The following SPARC variants were observed in gnomAD, a reference collection of about 807,000 sequenced individuals.
The protein encoded by SPARC is secreted protein acidic and cysteine rich, also known as basement-membrane protein 40.
A neutral mutation model predicts 37.7 loss-of-function variants in SPARC; 23 were observed. The observed-to-expected ratio is 0.61, with a 90% CI of 0.44 to 0.87. SPARC has a LOEUF of 0.87. Ranked by LOEUF, SPARC falls within the 40% of genes least tolerant of loss-of-function variation. The pLI is 0.00. For missense variants in SPARC, 312 were observed against 389.0 expected, an observed-to-expected ratio of 0.80 and a Z score of 1.66; for synonymous variants, 155 against 150.8, an observed-to-expected ratio of 1.03 and a Z score of -0.20.
At position 151,666,458 on chromosome 5, in the gene SPARC, C is replaced by T. The variant is rs751172543; in HGVS notation, c.637G>A (p.Val213Met). Residue 213 changes from valine (V) to methionine (M), a missense_variant, in exon 8 of 10, where the codon GTG (valine) becomes ATG (methionine). Val to Met is a conservative substitution (Grantham distance 21). Coordinates refer to ENST00000231061, the MANE Select transcript of SPARC (RefSeq NM_003118.4). Reference protein sequence around the residue: ...EKRLEAGDHPVELLARDFEKN... With the variant: ...EKRLEAGDHPMELLARDFEKN... ...TCGAAGTCCCGGGCCAGCAGCTCCA[C>T]GGGGTGGTCTCCTGCCTCCAGGCGC... The T allele has an allele frequency of 3.8e-5, 61 of 1,614,150 alleles. No individual in the cohort carries two copies. The South Asian group carries it at 4.4e-4, about 12-fold the overall frequency.
intron 1 of SPARC, among the ~76,000 whole-genome samples, chr5:151,681,879 G>C (rs142067868): frequency 6.6e-6 from 1 of 152,210 alleles, no homozygotes; most frequent in Non-Finnish European, 1.5e-5. Flanking sequence ...GGCAACAAGA[G>C]TGAAACTCCC....
At position 151,671,651 on chromosome 5, in the gene SPARC, C is replaced by T. The variant is rs751467606; in HGVS notation, c.252G>A (p.Glu84=). The change falls in exon 5 of 10, where the codon GAG becomes GAA. Residue 84 remains glutamate, a synonymous_variant. Coordinates refer to ENST00000231061, the MANE Select transcript of SPARC (RefSeq NM_003118.4). ...NHHCKHGKVC[E]LDENNTPMCV... is the part of the protein sequence containing the mutation. ...ACATGGGGGTGTTGTTCTCATCCAG[C>T]TCGCACACCTTGCCGTGTTTGCAGT... 37 of 1,612,946 alleles carry T rather than the reference C, an allele frequency of 2.3e-5. 2 individuals carry two copies. In the South Asian group the frequency reaches 3.4e-4, roughly 15 times the overall value.
intron 2 of SPARC, among the ~76,000 whole-genome samples, chr5:151,675,827 C>T (rs1170518754): frequency 6.6e-6 from 1 of 152,132 alleles, no homozygotes; most frequent in Non-Finnish European, 1.5e-5. Context: ...CTCCTGCCTG[C>T]TTGAATTCCT....
At chr5:151,669,611 G>T in intron 6 of SPARC, 53 bp downstream of exon 6, 2 of 1,593,810 alleles carry the variant, frequency 1.3e-6, no homozygotes. Flanking sequence ...ATCAGTGCCA[G>T]CTCAGAGCTC....
chr5:151,668,521 A>G (rs376550319), intron 6 of SPARC, among the ~76,000 whole-genome samples: 9 of 152,206 alleles, frequency 5.9e-5, no homozygotes, highest in African/African-American at 2.2e-4. Context: ...CAAGGCCACA[A>G]TGTCAGAGCC....
intron 5 of SPARC, among the ~76,000 whole-genome samples, chr5:151,670,192 G>A (rs978997227): frequency 3.3e-5 from 5 of 152,262 alleles, no homozygotes; most frequent in Admixed American, 6.5e-5. Flanking sequence ...TGGTGTCTGG[G>A]AACTTAGCTG....
chr5:151,680,216 C>CTTTTTT (rs58021431), intron 1 of SPARC, among the ~76,000 whole-genome samples: 3,697 of 61,990 alleles, frequency 0.06, 989 homozygotes, highest in African/African-American at 0.13. Flanking sequence ...TGGAAAACAT[C>CTTTTTT]TTTTTTTTTT....
chr5:151,685,422 T>TCTCACACACACACACACACA (rs1216324359), intron 1 of SPARC, among the ~76,000 whole-genome samples: 1 of 140,432 alleles, frequency 7.1e-6, no homozygotes, highest in African/African-American at 2.7e-5. Flanking sequence ...CCTCTCTCTC[T>TCTCACACACACACACACACA]CACACACACA....
At chr5:151,673,353 T>A in intron 3 of SPARC, 137 bp from the exon 4 acceptor site, 1 of 695,320 alleles carries the variant, frequency 1.4e-6, no homozygotes. Flanking sequence ...GCCTGCTGTG[T>A]TTTGCAGTAT....
At chr5:151,681,610 G>A (rs1760990521) in intron 1 of SPARC, among the ~76,000 whole-genome samples, 1 of 152,182 alleles carries the variant, frequency 6.6e-6, no homozygotes. Context: ...AACAAGAGCA[G>A]GCTGGGCGCA....
chr5:151,664,371 C>T, intron 8 of SPARC, 136 bp from the exon 9 acceptor site: 1 of 761,492 alleles, frequency 1.3e-6, no homozygotes, highest in Non-Finnish European at 2.2e-6. Context: ...GCCAGAATCC[C>T]AGGTCTACCC....
At chr5:151,671,758 C>A in intron 4 of SPARC, 64 bp from the exon 5 acceptor site, 1 of 1,598,398 alleles carries the variant, frequency 6.3e-7, no homozygotes. Context: ...CCCATCCTAC[C>A]TGGACAGATC....
At position 151,671,278 on chromosome 5, in the gene SPARC, C is replaced by T. The variant is rs574779474; in HGVS notation, c.330+295G>A. 4.1e-4 allele frequency among the ~76,000 whole-genome samples: 63 copies of T among 152,030 alleles called. 1 individual carries two copies. The highest frequency in any genetic ancestry group is 8.2e-4 in the Non-Finnish European group (56 of 68,008). ...CAACCTTCAGTTTGGCCCCAGAACC[C>T]GTATTTTTGGACCTGATTCTTTGCT... is the stretch of plus-strand genomic sequence containing the variant. On this transcript the variant is annotated intron_variant, in intron 5 of 9. Coordinates refer to ENST00000231061, the MANE Select transcript of SPARC (RefSeq NM_003118.4).
In SPARC at chr5:151,662,735, A is replaced by G. The variant is rs896042837; in HGVS notation, c.*836T>C. 6.6e-6 allele frequency: 1 copy of G among 152,246 alleles called. No homozygotes were observed. The highest frequency in any genetic ancestry group is 1.5e-5 in the Non-Finnish European group (1 of 68,048). The allele number at this position is 152,246 out of a possible 1,614,324, so 9.4% of individuals were successfully genotyped here. A position where few individuals can be genotyped will look rare whatever the true frequency, so the allele number is the denominator to read the frequency against. On this transcript the variant is annotated 3_prime_UTR_variant, in exon 10 of 10. Transcript: ENST00000231061. Reference sequence around the variant, plus strand: ...CTTTTTCTATTTTACAACTTTCTACATCTCACTCTTGATTTTGGCCTTCCT... The same window carrying G: ...CTTTTTCTATTTTACAACTTTCTACGTCTCACTCTTGATTTTGGCCTTCCT...
At chr5:151,664,532 TG>T (rs1760583511) in intron 8 of SPARC, among the ~76,000 whole-genome samples, 1 of 152,162 alleles carries the variant, frequency 6.6e-6, no homozygotes, top group South Asian at 2.1e-4. Context: ...AACAAAGGTC[TG>T]TTTGGTGTAT....
chr5:151,683,577 T>C (rs1761059572), intron 1 of SPARC, among the ~76,000 whole-genome samples: 2 of 152,256 alleles, frequency 1.3e-5, no homozygotes. Context: ...GTCTGTCTCA[T>C]TGTCATGATC....
At position 151,663,496 on chromosome 5, in the gene SPARC, C is replaced by T. The variant is rs796431779; in HGVS notation, c.*75G>A. 1 of 1,425,088 alleles carries T rather than the reference C, an allele frequency of 7.0e-7. No individual in the cohort carries two copies. Among genetic ancestry groups the T allele is most frequent in the Non-Finnish European group, 9.9e-7 (1 of 1,010,558 alleles). 88.3% of individuals were successfully genotyped at this position (1,425,088 alleles called of 1,614,324 possible). A position where few individuals can be genotyped will look rare whatever the true frequency, so the allele number is the denominator to read the frequency against. ...TCTCCAGGCAGAACAACAAACCATC[C>T]AAACATTTTAAACATTGGGGGAAAC... On this transcript the variant is annotated 3_prime_UTR_variant, in exon 10 of 10. Transcript: ENST00000231061.
chr5:151,685,226 T>G (rs908012818), intron 1 of SPARC: 1 of 152,146 alleles, frequency 6.6e-6, no homozygotes, highest in South Asian at 2.1e-4. Flanking sequence ...TGGCAGCTGA[T>G]AGCTGAGAGT....
At chr5:151,665,146 G>A (rs1308394574) in intron 8 of SPARC, among the ~76,000 whole-genome samples, 1 of 152,160 alleles carries the variant, frequency 6.6e-6, no homozygotes, top group Non-Finnish European at 1.5e-5. Flanking sequence ...ATGCAGGCAA[G>A]GTCACCTACA....
Sources: allele counts gnomAD v4.1 joint callset (sites outside exome capture counted in the v4.1 genomes callset), GRCh38; gene constraint gnomAD v4.1.1; transcripts MANE v1.5; gene names NCBI Gene and HGNC (gene_info 2026-07-23, HGNC 2026-07-21).